The following WWOX variants were observed in gnomAD, a reference collection of about 807,000 sequenced individuals.
WWOX encodes WW domain containing oxidoreductase, also known as WW domain-containing oxidoreductase.
WWOX carries 69 observed loss-of-function variants against 46.2 expected under a neutral mutation model. The observed-to-expected ratio is 1.49, with a 90% CI of 1.23 to 1.82. The LOEUF is 1.82. Ranked by LOEUF, WWOX falls within the 40% of genes most tolerant of loss-of-function variation. The pLI is 0.00. For synonymous variants in WWOX, 359 were observed against 202.6 expected, an observed-to-expected ratio of 1.77 and a Z score of -6.56; for missense variants, 919 against 542.6, an observed-to-expected ratio of 1.69 and a Z score of -6.89.
At chr16:78,567,600 T>C (rs941967239) in intron 8 of WWOX, among the ~76,000 whole-genome samples, 1 of 150,226 alleles carries the variant, frequency 6.7e-6, no homozygotes, top group African/African-American at 2.4e-5. Context: ...TTGTGTATTC[T>C]GAAAGGTTCC....
intron 5 of WWOX, among the ~76,000 whole-genome samples, chr16:78,371,001 G>C (rs980495813): frequency 3.8e-5 from 3 of 79,778 alleles, no homozygotes; most frequent in African/African-American, 1.2e-4. Context: ...TTTTTTACTT[G>C]TTTGTCCTTT....
chr16:78,669,491 C>T (rs2047410713), intron 8 of WWOX, among the ~76,000 whole-genome samples: 2 of 152,136 alleles, frequency 1.3e-5, no homozygotes, highest in Admixed American at 6.5e-5. Flanking sequence ...GGGTCAAGGC[C>T]AGTGATGGTG....
At chr16:78,997,923 C>G (rs1284479517) in intron 8 of WWOX, among the ~76,000 whole-genome samples, 1 of 152,066 alleles carries the variant, frequency 6.6e-6, no homozygotes, top group Non-Finnish European at 1.5e-5. Context: ...ATTGCCTAGG[C>G]TGGAGTACAA....
At chr16:79,087,270 A>G (rs981902078) in intron 8 of WWOX, among the ~76,000 whole-genome samples, 2 of 152,236 alleles carry the variant, frequency 1.3e-5, no homozygotes, top group African/African-American at 4.8e-5. Flanking sequence ...CGTGTGAAGC[A>G]TGGGGACCTC....
At chr16:78,798,485 A>G (rs1049905418) in intron 8 of WWOX, among the ~76,000 whole-genome samples, 7 of 151,996 alleles carry the variant, frequency 4.6e-5, no homozygotes, top group Admixed American at 4.6e-4. Flanking sequence ...TGCCCCAGAA[A>G]TTATTGTACA....
chr16:78,194,191 T>G (rs1470097843), intron 5 of WWOX, among the ~76,000 whole-genome samples: 1 of 152,066 alleles, frequency 6.6e-6, no homozygotes, highest in East Asian at 1.9e-4. Context: ...TAAAACAATA[T>G]ATGTCTCTTT....
intron 8 of WWOX, among the ~76,000 whole-genome samples, chr16:78,456,948 G>A (rs1214333561): frequency 6.6e-6 from 1 of 152,214 alleles, no homozygotes; most frequent in Admixed American, 6.5e-5. Context: ...ATTGTTTGAA[G>A]AGGGAAGATG....
At chr16:79,008,871 C>A (rs1388005579) in intron 8 of WWOX, among the ~76,000 whole-genome samples, 1 of 136,102 alleles carries the variant, frequency 7.3e-6, no homozygotes, top group Non-Finnish European at 1.5e-5. Flanking sequence ...TTAATTGGAG[C>A]CACGTGTGTA....
chr16:78,514,418 C>T (rs998534588), intron 8 of WWOX, among the ~76,000 whole-genome samples: 8 of 152,140 alleles, frequency 5.3e-5, no homozygotes, highest in Non-Finnish European at 8.8e-5. Context: ...TATTAGTTTG[C>T]TTGACAAAGG....
chr16:78,277,626 T>C (rs1457923761), intron 5 of WWOX, among the ~76,000 whole-genome samples: 1 of 152,136 alleles, frequency 6.6e-6, no homozygotes, highest in Non-Finnish European at 1.5e-5. Flanking sequence ...ATATGTTGCA[T>C]TTAGTTCTCT....
chr16:78,754,462 T>C (rs1255674965), intron 8 of WWOX, among the ~76,000 whole-genome samples: 4 of 152,214 alleles, frequency 2.6e-5, no homozygotes, highest in Non-Finnish European at 5.9e-5. Flanking sequence ...AAGCCAATGT[T>C]CTCTTAGTAC....
At chr16:78,884,202 G>A (rs2044402908) in intron 8 of WWOX, among the ~76,000 whole-genome samples, 1 of 149,018 alleles carries the variant, frequency 6.7e-6, no homozygotes, top group South Asian at 2.1e-4. Context: ...AGCCCAGGGA[G>A]GTCAAGGCTA....
intron 8 of WWOX, among the ~76,000 whole-genome samples, chr16:78,758,370 A>C (rs1279093991): frequency 6.6e-6 from 1 of 152,216 alleles, no homozygotes; most frequent in Non-Finnish European, 1.5e-5. Context: ...AAGTAGATTA[A>C]TTGGGCAAGA....
intron 6 of WWOX, among the ~76,000 whole-genome samples, chr16:78,403,481 C>A (rs567687839): frequency 6.6e-6 from 1 of 152,100 alleles, no homozygotes; most frequent in Non-Finnish European, 1.5e-5. Flanking sequence ...TTTATGCCTA[C>A]GAAATATAAT....
chr16:79,066,258 T>C (rs1231669043), intron 8 of WWOX, among the ~76,000 whole-genome samples: 1 of 152,170 alleles, frequency 6.6e-6, no homozygotes, highest in Non-Finnish European at 1.5e-5. Flanking sequence ...ATACCTCCTC[T>C]GGTTATCCTC....
intron 5 of WWOX, among the ~76,000 whole-genome samples, chr16:78,303,468 C>T (rs985209551): frequency 2.0e-5 from 3 of 152,094 alleles, no homozygotes; most frequent in Admixed American, 1.3e-4. Flanking sequence ...GTTGAGTGAG[C>T]TTGGATTTGA....
chr16:79,156,190 C>T (rs558576830), intron 8 of WWOX, among the ~76,000 whole-genome samples: 2 of 152,262 alleles, frequency 1.3e-5, no homozygotes, highest in East Asian at 3.9e-4. Flanking sequence ...GAGACAAGGT[C>T]TCACTCTGTT....
chr16:78,517,394 A>C (rs537323189), intron 8 of WWOX, among the ~76,000 whole-genome samples: 1 of 150,910 alleles, frequency 6.6e-6, no homozygotes, highest in South Asian at 2.1e-4. Flanking sequence ...TAGAATGAGC[A>C]ATTGAAAATC....
intron 8 of WWOX, among the ~76,000 whole-genome samples, chr16:78,663,059 C>T (rs1460875752): frequency 6.6e-6 from 1 of 152,112 alleles, no homozygotes; most frequent in Non-Finnish European, 1.5e-5. Flanking sequence ...ATTGGCTTAT[C>T]GTATAGTCAC....
Sources: allele counts gnomAD v4.1 joint callset (sites outside exome capture counted in the v4.1 genomes callset), GRCh38; gene constraint gnomAD v4.1.1; transcripts MANE v1.5; gene names NCBI Gene and HGNC (gene_info 2026-07-23, HGNC 2026-07-21).